The following NCAM2 variants were observed in gnomAD, a reference collection of about 807,000 sequenced individuals.
NCAM2 encodes the protein N-CAM-2.
In NCAM2, 30 loss-of-function variants were observed where a neutral mutation model predicts 98.1. The observed-to-expected ratio is 0.31, with a 90% confidence interval of 0.23 to 0.41. The LOEUF (loss-of-function observed/expected upper bound fraction) is 0.41, where lower values mean the gene tolerates loss of function less well. NCAM2 is among the 10% of genes least tolerant of loss of function. The pLI is 1.00. For synonymous variants in NCAM2, 368 were observed against 342.4 expected (o/e 1.07, Z -0.83); for missense variants, 867 against 1,005.8 (o/e 0.86, Z 1.87).
At chr21:21,111,221 T>C (rs1169274991) in intron 1 of NCAM2, among the ~76,000 whole-genome samples, 4 of 152,200 alleles carry the variant, frequency 2.6e-5, no homozygotes, top group African/African-American at 9.6e-5. Context: ...AGTAGCCATA[T>C]TGTAACAAGT....
intron 9 of NCAM2, among the ~76,000 whole-genome samples, chr21:21,381,198 A>AT (rs200985338): frequency 7.9e-5 from 12 of 151,412 alleles, no homozygotes; most frequent in South Asian, 2.1e-4. Context: ...TCTCTGCCAT[A>AT]TTTTTTTTTC....
chr21:21,166,359 C>A (rs1024468297), intron 1 of NCAM2, among the ~76,000 whole-genome samples: 1 of 152,142 alleles, frequency 6.6e-6, no homozygotes, highest in Non-Finnish European at 1.5e-5. Context: ...AGGCGCCCAC[C>A]ACCACGCCCA....
intron 1 of NCAM2, among the ~76,000 whole-genome samples, chr21:21,265,892 C>G (rs11911101): frequency 0.012 from 1,835 of 152,114 alleles, 38 homozygotes; most frequent in African/African-American, 0.042. Context: ...ACATGTACCC[C>G]TGAATCTATA....
intron 1 of NCAM2, among the ~76,000 whole-genome samples, chr21:21,043,770 C>T (rs1028302209): frequency 9.6e-5 from 14 of 145,984 alleles, no homozygotes; most frequent in African/African-American, 2.3e-4. Context: ...AGGAGAGTGG[C>T]GTGAACCCGG....
At chr21:21,174,779 A>G (rs1008043366) in intron 1 of NCAM2, among the ~76,000 whole-genome samples, 6 of 151,712 alleles carry the variant, frequency 4.0e-5, no homozygotes, top group Admixed American at 2.6e-4. Flanking sequence ...ACAAATAAAG[A>G]AAATTGTTAT....
At chr21:21,073,418 AT>A (rs1206794863) in intron 1 of NCAM2, among the ~76,000 whole-genome samples, 5 of 152,220 alleles carry the variant, frequency 3.3e-5, no homozygotes, top group African/African-American at 4.8e-5. Flanking sequence ...TTAATCAAGT[AT>A]TTTTTTCAGC....
chr21:21,512,678 TA>T (rs1988464271), intron 16 of NCAM2, among the ~76,000 whole-genome samples: 1 of 151,980 alleles, frequency 6.6e-6, no homozygotes, highest in Non-Finnish European at 1.5e-5. Flanking sequence ...TTTCTTTGAG[TA>T]GTATGGACAT....
rs765395049 is a variant in NCAM2 at position 21,319,511 on chromosome 21, C to T, written c.620-4872C>T. Reference sequence around the variant, plus strand: ...CAAAAATTAGCTGGGCATGATGGCGCGTGCCTGTAGTCCCAGCTGCTCAGG... The same window carrying T: ...CAAAAATTAGCTGGGCATGATGGCGTGTGCCTGTAGTCCCAGCTGCTCAGG... On this transcript the variant is annotated intron_variant, in intron 5 of 17. Coordinates refer to ENST00000400546, the MANE Select transcript of NCAM2 (RefSeq NM_004540.5). 2.6e-5 allele frequency among the ~76,000 whole-genome samples: 4 copies of T among 152,098 alleles called. No homozygotes were observed. The South Asian group carries it at 6.2e-4, about 24-fold the overall frequency.
intron 1 of NCAM2, among the ~76,000 whole-genome samples, chr21:21,241,914 A>C (rs1444979062): frequency 6.6e-6 from 1 of 152,204 alleles, no homozygotes; most frequent in Non-Finnish European, 1.5e-5. Context: ...CATTATAAAA[A>C]TTGGCTCTAG....
At chr21:21,491,250 C>CT (rs1986822606) in intron 15 of NCAM2, among the ~76,000 whole-genome samples, 1 of 151,728 alleles carries the variant, frequency 6.6e-6, no homozygotes, top group East Asian at 1.9e-4. Flanking sequence ...AAACATCGAT[C>CT]TCTAGTGGGA....
In NCAM2 at chr21:21,385,113, A is replaced by G. The variant is rs531546117; in HGVS notation, c.1195+11100A>G. Among the ~76,000 whole-genome samples, 44 of 152,154 alleles carry G rather than the reference A, an allele frequency of 2.9e-4. No homozygotes were observed. In the South Asian group the frequency reaches 4.4e-3, roughly 15 times the overall value. On this transcript the variant is annotated intron_variant, in intron 9 of 17. Coordinates refer to ENST00000400546, the MANE Select transcript of NCAM2 (RefSeq NM_004540.5). ...CATTTTTAGTTGTATATTGCAATCA[A>G]ATGCCCATGATATATGTGGAAGTTG...
chr21:21,143,176 C>T (rs73226339), intron 1 of NCAM2, among the ~76,000 whole-genome samples: 3,665 of 152,254 alleles, frequency 0.024, 64 homozygotes, highest in Non-Finnish European at 0.035. Flanking sequence ...ATTTAGCCAA[C>T]CCCTGCTTAG....
chr21:21,170,014 T>G (rs2068070541), intron 1 of NCAM2, among the ~76,000 whole-genome samples: 1 of 152,186 alleles, frequency 6.6e-6, no homozygotes, highest in South Asian at 2.1e-4. Flanking sequence ...ATATTCAACA[T>G]TATATGTCAT....
intron 17 of NCAM2, among the ~76,000 whole-genome samples, chr21:21,536,798 C>T (rs1418510233): frequency 6.6e-6 from 1 of 152,126 alleles, no homozygotes; most frequent in Non-Finnish European, 1.5e-5. Flanking sequence ...ATTGAATTTG[C>T]AAGTTTTAGG....
chr21:21,461,148 G>A (rs1982914249), intron 12 of NCAM2, among the ~76,000 whole-genome samples: 1 of 151,640 alleles, frequency 6.6e-6, no homozygotes. Context: ...CGTACTCAGT[G>A]GACCTTGAAA....
intron 9 of NCAM2, among the ~76,000 whole-genome samples, chr21:21,404,141 A>T (rs1050614738): frequency 6.6e-6 from 1 of 152,210 alleles, no homozygotes; most frequent in African/African-American, 2.4e-5. Context: ...ATTTCAAATA[A>T]TTATGCCTCT....
chr21:21,086,894 T>C (rs2065915816), intron 1 of NCAM2, among the ~76,000 whole-genome samples: 1 of 151,820 alleles, frequency 6.6e-6, no homozygotes, highest in African/African-American at 2.4e-5. Flanking sequence ...AGTGTACTTA[T>C]TATGTCTTGC....
chr21:21,292,376 C>T (rs746895721), intron 5 of NCAM2, 135 bp downstream of exon 5: 10 of 825,680 alleles, frequency 1.2e-5, no homozygotes, highest in Admixed American at 3.1e-5. Context: ...ATCTTTCCAT[C>T]TTTATTATGG....
chr21:21,016,409 A>G (rs1163921429), intron 1 of NCAM2, among the ~76,000 whole-genome samples: 2 of 144,686 alleles, frequency 1.4e-5, no homozygotes, highest in East Asian at 2.2e-4. Context: ...GTGATCTCAT[A>G]TGATTCTCCA....
Sources: allele counts gnomAD v4.1 joint callset (sites outside exome capture counted in the v4.1 genomes callset), GRCh38; gene constraint gnomAD v4.1.1; transcripts MANE v1.5; gene names NCBI Gene and HGNC (gene_info 2026-07-23, HGNC 2026-07-21).